The following TLE1 variants were observed in gnomAD, a reference collection of about 807,000 sequenced individuals.
TLE1 encodes the protein transducin-like enhancer protein 1.
A neutral mutation model predicts 89.8 loss-of-function variants in TLE1; 21 were observed. The observed-to-expected ratio is 0.23, with a 90% CI of 0.17 to 0.34. The LOEUF is 0.34. Ranked by LOEUF, TLE1 falls within the 10% of genes least tolerant of loss-of-function variation. TLE1 has a pLI of 1.00. For synonymous variants in TLE1, 447 were observed against 407.6 expected (o/e 1.10, Z -1.16); for missense variants, 795 against 1,031.2 (o/e 0.77, Z 3.14).
chr9:81,676,117 GTGTAAAAACA>G (rs1832878884), intron 4 of TLE1, among the ~76,000 whole-genome samples: 1 of 152,152 alleles, frequency 6.6e-6, no homozygotes, highest in African/African-American at 2.4e-5. Flanking sequence ...GGGTATTTGT[GTGTAAAAACA>G]TGTACAAACT....
rs1488883956 is a variant in TLE1 at position 81,689,165 on chromosome 9, T to G, written c.-925A>C. On this transcript the variant is annotated 5_prime_UTR_variant, in exon 1 of 20. Transcript: ENST00000376499. ...CCTCGGTCTTCTTTCTTTCCTTCCT[T>G]CACCTTCGTGTGCTTCTCCGCAAAG... The G allele has an allele frequency of 2.0e-5, 3 of 152,310 alleles. No individual in the cohort carries two copies. Among genetic ancestry groups the G allele is most frequent in the African/African-American group, 4.8e-5 (2 of 41,466 alleles). 9.4% of individuals were successfully genotyped at this position (152,310 alleles called of 1,614,324 possible). A position where few individuals can be genotyped will look rare whatever the true frequency, so the allele number is the denominator to read the frequency against.
At chr9:81,652,052 C>T in intron 6 of TLE1, 162 bp downstream of exon 6, 4 of 633,114 alleles carry the variant, frequency 6.3e-6, no homozygotes, top group Non-Finnish European at 1.1e-5. Flanking sequence ...CTTAGCACAT[C>T]CCAAGTCTCT....
chr9:81,668,977 T>C (rs554128527), intron 4 of TLE1, among the ~76,000 whole-genome samples: 2 of 152,290 alleles, frequency 1.3e-5, no homozygotes, highest in South Asian at 4.1e-4. Context: ...ATTAATTATG[T>C]GGGTTCCAGG....
At position 81,587,772 on chromosome 9, in the gene TLE1, G is replaced by A. The variant is rs772303386; in HGVS notation, c.1886C>T (p.Thr629Ile). Reference sequence around the variant, plus strand: ...GTCCAAACCACCCGTCCAGAGCTTGGTGCCATCATTAGAAATGTCAATACA... The same window carrying A: ...GTCCAAACCACCCGTCCAGAGCTTGATGCCATCATTAGAAATGTCAATACA... ...ASCIDISNDG[T>I]KLWTGGLDNT... Residue 629 changes from threonine to isoleucine, a missense_variant, in exon 17 of 20, where the codon ACC (threonine) becomes ATC (isoleucine). Physicochemically the swap from Thr to Ile is moderately conservative, Grantham distance 89. Coordinates refer to ENST00000376499, the MANE Select transcript of TLE1 (RefSeq NM_005077.5). The A allele has an allele frequency of 1.2e-6, 2 of 1,614,170 alleles. No homozygotes were observed. Among genetic ancestry groups the A allele is most frequent in the South Asian group, 2.2e-5 (2 of 91,080 alleles).
intron 6 of TLE1, among the ~76,000 whole-genome samples, chr9:81,637,428 T>A (rs946324825): frequency 5.9e-5 from 9 of 152,312 alleles, no homozygotes; most frequent in Non-Finnish European, 8.8e-5. Context: ...GCTTACATAA[T>A]GGGGCTTTGC....
intron 16 of TLE1, among the ~76,000 whole-genome samples, chr9:81,589,909 G>A (rs1043807579): frequency 6.6e-6 from 1 of 152,046 alleles, no homozygotes; most frequent in Non-Finnish European, 1.5e-5. Flanking sequence ...GCAGGGACCG[G>A]GCCCGGCTCA....
intron 2 of TLE1, among the ~76,000 whole-genome samples, chr9:81,686,497 A>G (rs979181496): frequency 1.2e-4 from 19 of 152,238 alleles, no homozygotes; most frequent in African/African-American, 4.6e-4. Context: ...ACAAAAGGTC[A>G]ATAATGAGAA....
intron 17 of TLE1, among the ~76,000 whole-genome samples, chr9:81,586,688 C>T (rs1828516373): frequency 6.6e-6 from 1 of 151,980 alleles, no homozygotes; most frequent in Non-Finnish European, 1.5e-5. Flanking sequence ...TCAAGCTGAG[C>T]GATGGGCATG....
At chr9:81,587,912 G>GTGTGTGTGTGTGTGTGTGTCATCCCGCC in intron 16 of TLE1, 84 bp from the exon 17 acceptor site, 8 of 911,406 alleles carry the variant, frequency 8.8e-6, no homozygotes, top group South Asian at 8.1e-5. Flanking sequence ...TGGACCGTGT[G>GTGTGTGTGTGTGTGTGTGTCATCCCGCC]TGTGTGTGTG....
chr9:81,677,241 C>CA (rs200599120), intron 4 of TLE1, among the ~76,000 whole-genome samples: 1 of 146,480 alleles, frequency 6.8e-6, no homozygotes. Context: ...CGTCTTCCCC[C>CA]CCCCAAAAAA....
chr9:81,664,832 G>C (rs1028594502), intron 4 of TLE1, among the ~76,000 whole-genome samples: 2 of 152,158 alleles, frequency 1.3e-5, no homozygotes, highest in African/African-American at 4.8e-5. Context: ...CAGATGACTA[G>C]GCCCACCTGC....
At chr9:81,656,225 G>T (rs1040234428) in intron 4 of TLE1, among the ~76,000 whole-genome samples, 1 of 152,100 alleles carries the variant, frequency 6.6e-6, no homozygotes, top group Non-Finnish European at 1.5e-5. Context: ...ACCCACTCAA[G>T]CTACCTCAAG....
chr9:81,661,853 G>A (rs1187746998), intron 4 of TLE1, among the ~76,000 whole-genome samples: 2 of 152,066 alleles, frequency 1.3e-5, no homozygotes, highest in African/African-American at 2.4e-5. Flanking sequence ...GGAAGTTAAG[G>A]CAATTTTTAA....
chr9:81,634,555 A>G (rs1827135384), intron 6 of TLE1, among the ~76,000 whole-genome samples: 1 of 152,072 alleles, frequency 6.6e-6, no homozygotes, highest in Non-Finnish European at 1.5e-5. Context: ...CCCAAAATAT[A>G]ATCCTCACAT....
At chr9:81,592,608 A>G (rs2131837941) in intron 15 of TLE1, among the ~76,000 whole-genome samples, 1 of 152,264 alleles carries the variant, frequency 6.6e-6, no homozygotes, top group South Asian at 2.1e-4. Flanking sequence ...CCTGTTCAGA[A>G]TGGTTTTTAT....
chr9:81,681,496 G>A (rs533935112), intron 4 of TLE1, among the ~76,000 whole-genome samples: 26 of 151,876 alleles, frequency 1.7e-4, no homozygotes, highest in Non-Finnish European at 3.4e-4. Flanking sequence ...GTTGCAGTGA[G>A]CCGAGACTGT....
At chr9:81,592,628 T>C (rs758051428) in intron 15 of TLE1, among the ~76,000 whole-genome samples, 24 of 152,182 alleles carry the variant, frequency 1.6e-4, no homozygotes, top group Non-Finnish European at 3.2e-4. Context: ...TGCCATGTTA[T>C]CAAATATTTA....
intron 2 of TLE1, 99 bp downstream of exon 2, chr9:81,687,235 T>C (rs1237929858): frequency 2.1e-6 from 2 of 961,210 alleles, no homozygotes; most frequent in East Asian, 2.6e-5. Flanking sequence ...CGCCACCGCC[T>C]GGACGCAAGA....
chr9:81,599,025 G>C (rs1263393868), intron 14 of TLE1, among the ~76,000 whole-genome samples: 1 of 152,184 alleles, frequency 6.6e-6, no homozygotes, highest in Non-Finnish European at 1.5e-5. Flanking sequence ...TAACTAACTT[G>C]AGCCTCATTT....
Sources: allele counts gnomAD v4.1 joint callset (sites outside exome capture counted in the v4.1 genomes callset), GRCh38; gene constraint gnomAD v4.1.1; transcripts MANE v1.5; gene names NCBI Gene and HGNC (gene_info 2026-07-23, HGNC 2026-07-21).